The following PAX5 variants were observed in gnomAD, a reference collection of about 807,000 sequenced individuals.
PAX5 encodes the protein paired box 5.
PAX5 carries 9 observed loss-of-function variants against 43.7 expected under a neutral mutation model. That is an observed-to-expected ratio of 0.21 (90% confidence interval 0.12 to 0.36). The LOEUF is 0.36. Ranked by LOEUF, PAX5 falls within the 10% of genes least tolerant of loss-of-function variation. The pLI is 1.00. For missense variants in PAX5, 383 were observed against 532.7 expected (o/e 0.72, Z 2.77); for synonymous variants, 228 against 214.3 (o/e 1.06, Z -0.56).
chr9:37,033,565 A>T lies in PAX5; in HGVS notation c.46+421T>A, dbSNP rs140528413. Among the ~76,000 whole-genome samples the T allele has an allele frequency of 4.0e-5, 6 of 151,206 alleles. No homozygotes were observed. The East Asian group carries it at 1.2e-3, about 30-fold the overall frequency. The stretch of plus-strand genomic sequence containing the variant: ...AAAGAATATACACAAGTACTAACTT[A>T]TAAACACACACGAATACCCCACGAG... On this transcript the variant is annotated intron_variant, in intron 1 of 9. Transcript: ENST00000358127.
chr9:36,835,123 CCTT>C lies in PAX5; in HGVS notation c.*5434_*5436del. 4.3e-6 allele frequency: 1 copy of C among 233,338 alleles called. No homozygotes were observed. The highest frequency in any genetic ancestry group is 8.5e-6 in the Non-Finnish European group (1 of 118,086). The allele number at this position is 233,338 out of a possible 1,614,324, so 14.5% of individuals were successfully genotyped here. A position where few individuals can be genotyped will look rare whatever the true frequency, so the allele number is the denominator to read the frequency against. ...TAATAGGTAAGCAGCTGCATTTTCT[CCTT>C]GTGTTGCTCAGGGGTCTAAGATGTG... is the stretch of plus-strand genomic sequence containing the variant. On this transcript the variant is annotated 3_prime_UTR_variant, in exon 10 of 10. Coordinates refer to ENST00000358127, the MANE Select transcript of PAX5 (RefSeq NM_016734.3).
chr9:37,002,622 G>C (rs769029232), intron 5 of PAX5, 26 bp downstream of exon 5: 1 of 1,599,754 alleles, frequency 6.3e-7, no homozygotes, highest in Non-Finnish European at 8.5e-7. Context: ...GCGCATCCCC[G>C]ACGGGGCTGC....
chr9:36,880,259 C>T (rs10119448), intron 8 of PAX5, among the ~76,000 whole-genome samples: 4,895 of 152,308 alleles, frequency 0.032, 245 homozygotes, highest in African/African-American at 0.11. Flanking sequence ...GCCTTGCACA[C>T]GCATGTGTGG....
chr9:36,973,068 A>AGGAACGGAACGGAAC (rs1368567138), intron 5 of PAX5, among the ~76,000 whole-genome samples: 41 of 110,318 alleles, frequency 3.7e-4, no homozygotes, highest in African/African-American at 1.0e-3. Context: ...AGGAAAGGAA[A>AGGAACGGAACGGAAC]GGAACGGAAC....
intron 6 of PAX5, among the ~76,000 whole-genome samples, chr9:36,962,805 A>T (rs1378384883): frequency 6.6e-6 from 1 of 152,180 alleles, no homozygotes; most frequent in Admixed American, 6.5e-5. Context: ...TAGGCCACAG[A>T]GACACACACT....
chr9:36,847,962 C>T (rs540308201), intron 8 of PAX5, among the ~76,000 whole-genome samples: 1 of 152,180 alleles, frequency 6.6e-6, no homozygotes, highest in African/African-American at 2.4e-5. Context: ...CGCCAGGTGC[C>T]CAGTACCCGG....
rs1442983061 is a variant in PAX5, at chr9:36,840,627, T to C, written c.1109A>G (p.Tyr370Cys). ...TCCTCGGGCGGCAGCGCTATAATAG[T>C]AGGGGGAGCCTGGAAGAGACGGGAG... ...FPNPGLLGSP[Y>C]YYSAAARGAA... is the part of the protein sequence containing the mutation. Residue 370 changes from tyrosine (Y) to cysteine (C), a missense_variant, in exon 10 of 10, where the codon TAC becomes TGC. Physicochemically the swap from Tyr to Cys is radical, Grantham distance 194. Transcript: ENST00000358127. The C allele has an allele frequency of 4.5e-6, 7 of 1,567,272 alleles. No homozygotes were observed. Among genetic ancestry groups the C allele is most frequent in the Non-Finnish European group, 6.1e-6 (7 of 1,155,912 alleles).
intron 6 of PAX5, among the ~76,000 whole-genome samples, chr9:36,937,064 C>G (rs907451785): frequency 2.0e-5 from 3 of 152,140 alleles, no homozygotes; most frequent in African/African-American, 7.2e-5. Context: ...AAAGGCAAGG[C>G]CTCTCATGGT....
At chr9:36,971,534 T>G (rs1834925615) in intron 5 of PAX5, among the ~76,000 whole-genome samples, 1 of 152,196 alleles carries the variant, frequency 6.6e-6, no homozygotes, top group Admixed American at 6.5e-5. Context: ...GGGAGAAAAG[T>G]CTGAACTCAC....
At chr9:36,924,815 GGAAAGAAA>G (rs1830508208) in intron 6 of PAX5, among the ~76,000 whole-genome samples, 3 of 51,240 alleles carry the variant, frequency 5.9e-5, no homozygotes, top group Non-Finnish European at 8.3e-5. Context: ...GAGGAAGGAA[GGAAAGAAA>G]GAAGGAAGGG....
chr9:36,913,194 G>A (rs1013690416), intron 7 of PAX5, among the ~76,000 whole-genome samples: 2 of 152,188 alleles, frequency 1.3e-5, no homozygotes, highest in African/African-American at 2.4e-5. Flanking sequence ...GGGTATTTCC[G>A]CTACTAAAAA....
In PAX5 at chr9:36,939,312, A is replaced by G. The variant is rs879939771; in HGVS notation, c.781-15828T>C. Reference sequence around the variant, plus strand: ...TCAGAGACCCTTAAAGCCCTGGGGGATGCCCTACGTGTCCCCCACCCCCAG... The same window carrying G: ...TCAGAGACCCTTAAAGCCCTGGGGGGTGCCCTACGTGTCCCCCACCCCCAG... On this transcript the variant is annotated intron_variant, in intron 6 of 9. Coordinates refer to ENST00000358127, the MANE Select transcript of PAX5 (RefSeq NM_016734.3). Among the ~76,000 whole-genome samples, 69 of 151,912 alleles carry G rather than the reference A, an allele frequency of 4.5e-4. 1 individual carries two copies. The highest frequency in any genetic ancestry group is 4.4e-3 in the Admixed American group (67 of 15,260).
At chr9:36,976,020 G>A (rs1178841814) in intron 5 of PAX5, among the ~76,000 whole-genome samples, 2 of 152,186 alleles carry the variant, frequency 1.3e-5, no homozygotes, top group Admixed American at 6.5e-5. Flanking sequence ...TAGGACAGTC[G>A]CTGGTATCAT....
At chr9:37,017,685 C>G (rs557663896) in intron 2 of PAX5, among the ~76,000 whole-genome samples, 2 of 152,244 alleles carry the variant, frequency 1.3e-5, no homozygotes, top group Admixed American at 6.5e-5. Context: ...AGGTCCCCCC[C>G]AGCCTGGCCC....
At chr9:37,000,151 A>T (rs1034600575) in intron 5 of PAX5, among the ~76,000 whole-genome samples, 3 of 152,088 alleles carry the variant, frequency 2.0e-5, no homozygotes, top group Admixed American at 6.5e-5. Context: ...ATCCAGAGAG[A>T]TACAGAGAGA....
At chr9:36,846,668 A>C (rs185796188) in intron 9 of PAX5, among the ~76,000 whole-genome samples, 175 bp downstream of exon 9, 12 of 152,232 alleles carry the variant, frequency 7.9e-5, no homozygotes, top group Non-Finnish European at 1.8e-4. Context: ...GGGCTGGAGC[A>C]CTATTTACTG....
At chr9:36,873,522 G>T (rs1477002749) in intron 8 of PAX5, among the ~76,000 whole-genome samples, 1 of 152,226 alleles carries the variant, frequency 6.6e-6, no homozygotes, top group African/African-American at 2.4e-5. Flanking sequence ...AGAGGCCAGG[G>T]CCAGGTTGGC....
intron 6 of PAX5, among the ~76,000 whole-genome samples, chr9:36,938,245 C>T (rs1200853409): frequency 3.3e-5 from 5 of 152,060 alleles, no homozygotes; most frequent in Admixed American, 2.0e-4. Flanking sequence ...CATTTCATAC[C>T]TAGAAACAAA....
intron 8 of PAX5, among the ~76,000 whole-genome samples, chr9:36,876,857 C>T (rs1825953932): frequency 6.6e-6 from 1 of 152,212 alleles, no homozygotes; most frequent in South Asian, 2.1e-4. Flanking sequence ...GAGCAGACAA[C>T]TCTGATGATG....
Sources: gnomAD v4.1 joint callset for allele counts (sites outside exome capture counted in the v4.1 genomes callset) on GRCh38, gnomAD v4.1.1 for gene constraint, MANE v1.5 for transcripts, NCBI Gene and HGNC (gene_info 2026-07-23, HGNC 2026-07-21) for gene names.